KCND3: variants seen among roughly 807,000 people sequenced by gnomAD.
The protein encoded by KCND3 is A-type voltage-gated potassium channel KCND3.
In KCND3, 9 loss-of-function variants were observed where a neutral mutation model predicts 51.1. That is an observed-to-expected ratio of 0.18 (90% confidence interval 0.11 to 0.31). The LOEUF (loss-of-function observed/expected upper bound fraction) is 0.31. KCND3 is among the 10% of genes least tolerant of loss of function. The pLI is 1.00. For synonymous variants in KCND3, 349 were observed against 368.0 expected (o/e 0.95, Z 0.59); for missense variants, 526 against 903.8 (o/e 0.58, Z 5.36).
intron 2 of KCND3, among the ~76,000 whole-genome samples, chr1:111,874,108 G>C (rs1668946985): frequency 6.6e-6 from 1 of 152,170 alleles, no homozygotes; most frequent in African/African-American, 2.4e-5. Context: ...CTCACAGATG[G>C]GCAGCTCATT....
At chr1:111,806,535 T>C (rs968084347) in intron 2 of KCND3, among the ~76,000 whole-genome samples, 1 of 152,220 alleles carries the variant, frequency 6.6e-6, no homozygotes, top group Non-Finnish European at 1.5e-5. Flanking sequence ...TTATATTTAC[T>C]CATCTCACAT....
intron 2 of KCND3, among the ~76,000 whole-genome samples, chr1:111,943,388 T>C (rs1332099247): frequency 6.6e-6 from 1 of 152,142 alleles, no homozygotes; most frequent in African/African-American, 2.4e-5. Flanking sequence ...CACTCTCCCC[T>C]GCCCACTGGA....
intron 2 of KCND3, among the ~76,000 whole-genome samples, chr1:111,805,025 C>A (rs2618035): frequency 0.81 from 123,206 of 152,146 alleles, 50,099 homozygotes; most frequent in East Asian, 0.96. Context: ...ACAGGGAGAT[C>A]CTCCCAGCTG....
At chr1:111,795,358 A>C (rs746485900) in intron 2 of KCND3, among the ~76,000 whole-genome samples, 3 of 152,276 alleles carry the variant, frequency 2.0e-5, no homozygotes, top group Non-Finnish European at 2.9e-5. Context: ...CAGACGGGAC[A>C]GATGAGGCTC....
intron 2 of KCND3, among the ~76,000 whole-genome samples, chr1:111,925,729 A>C (rs1671667280): frequency 6.6e-6 from 1 of 152,126 alleles, no homozygotes; most frequent in Admixed American, 6.5e-5. Flanking sequence ...GTGACAAGAG[A>C]AGAGTGCCTG....
At chr1:111,915,994 C>T (rs1047140247) in intron 2 of KCND3, among the ~76,000 whole-genome samples, 1 of 151,982 alleles carries the variant, frequency 6.6e-6, no homozygotes, top group African/African-American at 2.4e-5. Flanking sequence ...TTTAAGCATT[C>T]TTGTCTCTGT....
chr1:111,935,914 C>T (rs1463406054), intron 2 of KCND3, among the ~76,000 whole-genome samples: 1 of 152,190 alleles, frequency 6.6e-6, no homozygotes, highest in African/African-American at 2.4e-5. Flanking sequence ...ACACACATGC[C>T]CCCTATGTAA....
intron 2 of KCND3, among the ~76,000 whole-genome samples, chr1:111,970,143 A>G (rs1223874900): frequency 6.6e-6 from 1 of 151,732 alleles, no homozygotes; most frequent in Non-Finnish European, 1.5e-5. Flanking sequence ...CAGCCTGCTG[A>G]GTAGCTGGGA....
chr1:111,847,933 C>T (rs141205913), intron 2 of KCND3, among the ~76,000 whole-genome samples: 1 of 152,334 alleles, frequency 6.6e-6, no homozygotes, highest in Non-Finnish European at 1.5e-5. Flanking sequence ...CACAGCCCCT[C>T]CCTGAGCTCC....
intron 2 of KCND3, among the ~76,000 whole-genome samples, chr1:111,881,728 T>C (rs977114276): frequency 6.6e-6 from 1 of 152,216 alleles, no homozygotes; most frequent in African/African-American, 2.4e-5. Flanking sequence ...TTCCCCTCTC[T>C]GGGCCTCAGT....
intron 2 of KCND3, among the ~76,000 whole-genome samples, chr1:111,831,131 T>A (rs1017445090): frequency 2.6e-5 from 4 of 152,236 alleles, no homozygotes; most frequent in African/African-American, 9.6e-5. Flanking sequence ...CCCCCTTTCA[T>A]CTGTAGGGAA....
intron 2 of KCND3, among the ~76,000 whole-genome samples, chr1:111,889,277 G>C (rs1255884247): frequency 1.3e-5 from 2 of 152,188 alleles, no homozygotes; most frequent in East Asian, 3.9e-4. Context: ...ACTGAGTGAC[G>C]GCCCCTGGCC....
intron 2 of KCND3, among the ~76,000 whole-genome samples, chr1:111,888,126 G>A (rs1669652937): frequency 6.6e-6 from 1 of 152,240 alleles, no homozygotes; most frequent in Non-Finnish European, 1.5e-5. Context: ...AGACCAGCTG[G>A]AGCCCTAACT....
intron 2 of KCND3, among the ~76,000 whole-genome samples, chr1:111,945,544 G>A (rs920852486): frequency 4.6e-5 from 7 of 152,136 alleles, no homozygotes; most frequent in Non-Finnish European, 7.4e-5. Context: ...TGAGGCTCAC[G>A]GGGGAGCTTG....
chr1:111,967,913 C>T (rs1674096303), intron 2 of KCND3, among the ~76,000 whole-genome samples: 2 of 152,312 alleles, frequency 1.3e-5, no homozygotes, highest in South Asian at 4.1e-4. Flanking sequence ...ACTCCCAATC[C>T]AGTGGTCTTG....
chr1:111,973,934 G>A (rs1435034731), intron 2 of KCND3, among the ~76,000 whole-genome samples: 2 of 152,208 alleles, frequency 1.3e-5, no homozygotes, highest in East Asian at 3.8e-4. Context: ...ACTAGCTTGT[G>A]TATGAGGTGG....
intron 2 of KCND3, among the ~76,000 whole-genome samples, chr1:111,823,615 A>G (rs1030911692): frequency 2.6e-5 from 4 of 152,238 alleles, no homozygotes; most frequent in Non-Finnish European, 5.9e-5. Context: ...TGAATAACAC[A>G]TTTCATTGTG....
chr1:111,822,852 A>C (rs577560207), intron 2 of KCND3, among the ~76,000 whole-genome samples: 5 of 152,376 alleles, frequency 3.3e-5, no homozygotes, highest in African/African-American at 1.2e-4. Context: ...AAAACAAACA[A>C]ACAAAAACAA....
At chr1:111,937,192 AG>A (rs1672263059) in intron 2 of KCND3, among the ~76,000 whole-genome samples, 1 of 152,180 alleles carries the variant, frequency 6.6e-6, no homozygotes, top group African/African-American at 2.4e-5. Flanking sequence ...GGAGAGGAGC[AG>A]GTTTTGGGGG....
Sources: allele counts gnomAD v4.1 joint callset (sites outside exome capture counted in the v4.1 genomes callset), GRCh38; gene constraint gnomAD v4.1.1; transcripts MANE v1.5; gene names NCBI Gene and HGNC (gene_info 2026-07-23, HGNC 2026-07-21).